The following ADAP1 variants were observed in gnomAD, a reference collection of about 807,000 sequenced individuals.
ADAP1 encodes arf-GAP with dual PH domain-containing protein 1.
Under a neutral mutation model 54.9 loss-of-function variants are expected in ADAP1, and 31 were observed. That is an observed-to-expected ratio of 0.56 (90% confidence interval 0.42 to 0.76). ADAP1 has a LOEUF of 0.76. ADAP1 is among the 30% of genes least tolerant of loss of function. ADAP1 has a pLI of 0.00. For missense variants in ADAP1, 535 were observed against 512.4 expected (o/e 1.04, Z -0.42); for synonymous variants, 313 against 202.6 (o/e 1.55, Z -4.63).
chr7:915,423 G>A (rs1845894591), intron 4 of ADAP1, among the ~76,000 whole-genome samples: 2 of 152,242 alleles, frequency 1.3e-5, no homozygotes, highest in South Asian at 4.1e-4. Flanking sequence ...TGCGGACGTG[G>A]CCGCCCCGCC....
At chr7:911,941 A>G (rs541731654) in intron 4 of ADAP1, among the ~76,000 whole-genome samples, 1 of 152,252 alleles carries the variant, frequency 6.6e-6, no homozygotes. Context: ...CCTGGCCCCA[A>G]ACACCCGTCC....
At position 945,626 on chromosome 7, in the gene ADAP1, A is replaced by C. The variant is rs887464571; in HGVS notation, c.82+8770T>G. ...TGGAGGCCCTGAGTGCCAGGTAGGG[A>C]GGGGCAGGCCCAAGACTCCAGCCCC... is the stretch of plus-strand genomic sequence containing the variant. On this transcript the variant is annotated intron_variant, in intron 1 of 10. Coordinates refer to ENST00000265846, the MANE Select transcript of ADAP1 (RefSeq NM_006869.4). The surrounding 1 kb of genome is among the most constrained non-coding windows in gnomAD (Gnocchi z 4.2). The C allele has an allele frequency of 7.0e-6, 4 of 569,358 alleles. No individual in the cohort carries two copies. The African/African-American group carries it at 8.1e-5, about 12-fold the overall frequency. The allele number at this position is 569,358 out of a possible 1,614,324, so 35.3% of individuals were successfully genotyped here.
At chr7:900,772 C>T in intron 6 of ADAP1, 156 bp from the exon 7 acceptor site, 2 of 698,914 alleles carry the variant, frequency 2.9e-6, no homozygotes, top group South Asian at 1.8e-5. Context: ...TGCCGCAGGC[C>T]TGGCCCCTGT....
chr7:927,785 A>C (rs1370052798), intron 2 of ADAP1, among the ~76,000 whole-genome samples: 1 of 152,198 alleles, frequency 6.6e-6, no homozygotes, highest in Non-Finnish European at 1.5e-5. Context: ...CGAGGACGAG[A>C]GCCTCGACCC....
At chr7:906,437 AGAAAGGAGAAAGGAGAAAGG>A in intron 4 of ADAP1, among the ~76,000 whole-genome samples, 10 of 76,944 alleles carry the variant, frequency 1.3e-4, no homozygotes, top group Non-Finnish European at 2.2e-4. Context: ...AGGAGAAAGG[AGAAAGGAGAAAGGAGAAAGG>A]GAAAGGAGAA....
chr7:927,387 G>T (rs142089847), intron 2 of ADAP1: 10,997 of 567,516 alleles, frequency 0.019, 209 homozygotes, highest in South Asian at 0.045. Flanking sequence ...CAGCAGGAGG[G>T]GCCGCCACAC....
intron 6 of ADAP1, among the ~76,000 whole-genome samples, chr7:902,436 T>C (rs56016584): frequency 0.047 from 860 of 18,252 alleles, no homozygotes; most frequent in East Asian, 0.25. Flanking sequence ...CCAGCCTGGG[T>C]GACAAGGGCG....
intron 3 of ADAP1, among the ~76,000 whole-genome samples, chr7:922,569 A>T (rs1172763630): frequency 6.6e-6 from 1 of 152,108 alleles, no homozygotes; most frequent in Non-Finnish European, 1.5e-5. Context: ...CTGTTCACAC[A>T]GCTGGCACGT....
chr7:906,457 G>GGA (rs1845344189), intron 4 of ADAP1, among the ~76,000 whole-genome samples: 1 of 69,536 alleles, frequency 1.4e-5, no homozygotes, highest in Non-Finnish European at 3.8e-5. Context: ...AAGGAGAAAG[G>GGA]GAAAGGAGAA....
chr7:925,361 TAAAAAAA>T (rs5881885), intron 3 of ADAP1, among the ~76,000 whole-genome samples: 1 of 111,352 alleles, frequency 9.0e-6, no homozygotes, highest in African/African-American at 3.5e-5. Flanking sequence ...TCTCTATATT[TAAAAAAA>T]AAAAAAAAAA....
intron 4 of ADAP1, among the ~76,000 whole-genome samples, chr7:912,726 G>A (rs74885112): frequency 2.4e-4 from 37 of 152,298 alleles, no homozygotes; most frequent in African/African-American, 8.9e-4. Context: ...ATTTTGATAC[G>A]GAATCTCGCT....
chr7:952,639 G>A (rs1847299126), intron 1 of ADAP1, among the ~76,000 whole-genome samples: 1 of 152,116 alleles, frequency 6.6e-6, no homozygotes, highest in Admixed American at 6.5e-5. Context: ...GGCCGGGTGT[G>A]GCTCATGTCC....
Position 905,447 on chromosome 7 carries a change from GGGAGAAAGGGAAAGGAGAAA to G in ADAP1, c.389-295_389-276del, listed in dbSNP as rs1562911877. ...AAAGGAGAAAGGAGAAAGGGAGAAA[GGGAGAAAGGGAAAGGAGAAA>G]GGAGAAAGGGAAAGGAGAAAGGAGA... On this transcript the variant is annotated intron_variant, in intron 4 of 10. Coordinates refer to ENST00000265846, the MANE Select transcript of ADAP1 (RefSeq NM_006869.4). 6.8e-4 allele frequency: 38 copies of G among 56,192 alleles called. 2 individuals are homozygous for G. Among genetic ancestry groups the G allele is most frequent in the African/African-American group, 2.8e-3 (7 of 2,524 alleles). 3.5% of individuals were successfully genotyped at this position (56,192 alleles called of 1,614,324 possible).
chr7:927,194 A>G, intron 2 of ADAP1: 1 of 1,291,324 alleles, frequency 7.7e-7, no homozygotes. Context: ...CATGTTTACG[A>G]AACAGGCTGA....
intron 4 of ADAP1, among the ~76,000 whole-genome samples, chr7:905,834 AGAAG>A (rs1562913048): frequency 1.9e-4 from 9 of 47,272 alleles, no homozygotes; most frequent in African/African-American, 5.6e-4. Flanking sequence ...GGGAGAAGGG[AGAAG>A]GGAGAAGGGA....
rs936148490 is a variant in ADAP1 at position 900,697 on chromosome 7, G to C, written c.649-81C>G. The C allele has an allele frequency of 3.7e-5, 47 of 1,263,950 alleles. No individual in the cohort carries two copies. The African/African-American group carries it at 6.1e-4, about 16-fold the overall frequency. 78.3% of individuals were successfully genotyped at this position (1,263,950 alleles called of 1,614,324 possible). A position where few individuals can be genotyped will look rare whatever the true frequency, so the allele number is the denominator to read the frequency against. ...CCACAGAGGGGCTGGGGTCCCCACA[G>C]AGGGGCCGCTTCCCCCAGAGCCCAG... On this transcript the variant is annotated intron_variant, in intron 6 of 10. Coordinates refer to ENST00000265846, the MANE Select transcript of ADAP1 (RefSeq NM_006869.4).
chr7:902,915 A>G (rs547493162), intron 6 of ADAP1, among the ~76,000 whole-genome samples: 1 of 152,336 alleles, frequency 6.6e-6, no homozygotes, highest in Admixed American at 6.5e-5. Flanking sequence ...ATATCTAGCC[A>G]CAGTCTAAGC....
intron 3 of ADAP1, among the ~76,000 whole-genome samples, chr7:921,332 T>G (rs952277966): frequency 6.6e-6 from 1 of 152,222 alleles, no homozygotes; most frequent in Non-Finnish European, 1.5e-5. Flanking sequence ...CTACTTTTCT[T>G]TCTTTTAGAG....
chr7:916,374 A>G (rs1845933260), intron 4 of ADAP1, among the ~76,000 whole-genome samples: 1 of 152,206 alleles, frequency 6.6e-6, no homozygotes, highest in African/African-American at 2.4e-5. Flanking sequence ...GCTGACACCC[A>G]GTGAAGTTGG....
Sources: allele counts gnomAD v4.1 joint callset (sites outside exome capture counted in the v4.1 genomes callset), GRCh38; gene constraint gnomAD v4.1.1; non-coding constraint Gnocchi (gnomAD v3.1); transcripts MANE v1.5; gene names NCBI Gene and HGNC (gene_info 2026-07-23, HGNC 2026-07-21).